The following KCNIP4 variants were observed in gnomAD, a reference collection of about 807,000 sequenced individuals.
The protein encoded by KCNIP4 is Kv channel-interacting protein 4.
A neutral mutation model predicts 34.0 loss-of-function variants in KCNIP4; 12 were observed. That is an observed-to-expected ratio of 0.35 (90% CI 0.23 to 0.57). KCNIP4 has a LOEUF of 0.57. Among genes scored for constraint, KCNIP4 ranks in the 20% least tolerant of loss-of-function variants. The pLI, the probability that KCNIP4 is intolerant of heterozygous loss-of-function variation, is 0.83. For missense variants in KCNIP4, 238 were observed against 311.7 expected (o/e 0.76, Z 1.78); for synonymous variants, 124 against 102.2 (o/e 1.21, Z -1.29).
chr4:21,122,296 G>A (rs375892237), intron 1 of KCNIP4, among the ~76,000 whole-genome samples: 9 of 151,806 alleles, frequency 5.9e-5, no homozygotes, highest in African/African-American at 2.2e-4. Flanking sequence ...AAAGAAAGTG[G>A]GGCTAATTTT....
intron 1 of KCNIP4, among the ~76,000 whole-genome samples, chr4:21,727,701 C>A (rs914868119): frequency 3.3e-5 from 5 of 151,930 alleles, no homozygotes; most frequent in Admixed American, 3.3e-4. Flanking sequence ...TAGTGGTGCT[C>A]ACCTGTAATC....
At chr4:21,868,033 A>C (rs565624418) in intron 1 of KCNIP4, among the ~76,000 whole-genome samples, 2 of 152,270 alleles carry the variant, frequency 1.3e-5, no homozygotes, top group African/African-American at 4.8e-5. Flanking sequence ...CTAGCCAAAA[A>C]TATTTGCCGA....
At chr4:20,749,598 A>T (rs1255352128) in intron 5 of KCNIP4, 64 bp downstream of exon 5, 2 of 1,158,260 alleles carry the variant, frequency 1.7e-6, no homozygotes, top group African/African-American at 3.1e-5. Context: ...CCAAACTCAC[A>T]TTTTCCCCCT....
At chr4:21,381,086 C>G (rs1423543800) in intron 1 of KCNIP4, among the ~76,000 whole-genome samples, 1 of 152,148 alleles carries the variant, frequency 6.6e-6, no homozygotes, top group East Asian at 1.9e-4. Flanking sequence ...AAGATTCTGG[C>G]AATGGGTTTA....
chr4:21,928,108 C>CTATATATATA lies in KCNIP4; in HGVS notation c.61+20453_61+20462dup, dbSNP rs144162392. 3.9e-3 allele frequency among the ~76,000 whole-genome samples: 562 copies of CTATATATATA among 142,774 alleles called. 1 individual carries two copies. The highest frequency in any genetic ancestry group is 8.2e-3 in the African/African-American group (327 of 39,778). 93.7% of individuals were successfully genotyped at this position (142,774 alleles called of 152,430 possible). ...GGAAAAGTGCCTAGTCCAGATTAGA[C>CTATATATATA]TATATATATATATATATATACACAC... On this transcript the variant is annotated intron_variant, in intron 1 of 8. Transcript: ENST00000382152.
chr4:20,908,266 AT>A (rs1727985338), intron 1 of KCNIP4, among the ~76,000 whole-genome samples: 1 of 151,922 alleles, frequency 6.6e-6, no homozygotes, highest in Non-Finnish European at 1.5e-5. Flanking sequence ...TGCCCAGCTA[AT>A]TTTTGTATTT....
Position 21,376,218 on chromosome 4 carries a change from C to T in KCNIP4, c.62-493509G>A, listed in dbSNP as rs148950507. Among the ~76,000 whole-genome samples the T allele has an allele frequency of 1.2e-3, 176 of 152,298 alleles. 1 individual carries two copies. The highest frequency in any genetic ancestry group is 3.8e-3 in the African/African-American group (157 of 41,566). Reference sequence around the variant, plus strand: ...TAAAAAGGAATTTAAAAAGATAACACTTGCAAAATTTTGTGAAACCTAATA... The same window carrying T: ...TAAAAAGGAATTTAAAAAGATAACATTTGCAAAATTTTGTGAAACCTAATA... On this transcript the variant is annotated intron_variant, in intron 1 of 8. Coordinates refer to ENST00000382152, the MANE Select transcript of KCNIP4 (RefSeq NM_025221.6).
chr4:21,114,558 T>C (rs1233650188), intron 1 of KCNIP4, among the ~76,000 whole-genome samples: 3 of 152,120 alleles, frequency 2.0e-5, no homozygotes, highest in African/African-American at 4.8e-5. Context: ...TACTACATTC[T>C]CATCTGGGTC....
At chr4:21,928,127 T>TATACACACACAC (rs141651426) in intron 1 of KCNIP4, among the ~76,000 whole-genome samples, 8 of 143,974 alleles carry the variant, frequency 5.6e-5, no homozygotes, top group South Asian at 4.6e-4. Flanking sequence ...TATATATATA[T>TATACACACACAC]ACACACACAC....
intron 1 of KCNIP4, among the ~76,000 whole-genome samples, chr4:21,355,867 C>A (rs950559488): frequency 2.0e-5 from 3 of 151,970 alleles, no homozygotes; most frequent in Non-Finnish European, 4.4e-5. Context: ...AGTTTTAGAC[C>A]AATATCCCTC....
chr4:21,938,250 C>A (rs1729981710), intron 1 of KCNIP4, among the ~76,000 whole-genome samples: 1 of 152,124 alleles, frequency 6.6e-6, no homozygotes, highest in African/African-American at 2.4e-5. Context: ...GTTTCCAAAG[C>A]AGTCTGTGCT....
chr4:21,934,686 C>A (rs1729750850), intron 1 of KCNIP4, among the ~76,000 whole-genome samples: 1 of 151,974 alleles, frequency 6.6e-6, no homozygotes, highest in South Asian at 2.1e-4. Flanking sequence ...CACGTGCCAC[C>A]CTCCACTCTT....
At chr4:21,250,950 T>C (rs1217736699) in intron 1 of KCNIP4, among the ~76,000 whole-genome samples, 2 of 151,446 alleles carry the variant, frequency 1.3e-5, no homozygotes, top group South Asian at 2.1e-4. Context: ...TACAAATATG[T>C]ATATATCTAC....
rs1455137385 is a variant in KCNIP4 at position 20,839,428 on chromosome 4, C to A, written c.288+11115G>T. On this transcript the variant is annotated intron_variant, in intron 3 of 8. Coordinates refer to ENST00000382152, the MANE Select transcript of KCNIP4 (RefSeq NM_025221.6). ...TAGATATAAGAATATATTAGATTCC[C>A]CTATTTTAGATTATTCTTCAAAAAG... Among the ~76,000 whole-genome samples, 10 of 150,080 alleles carry A rather than the reference C, an allele frequency of 6.7e-5. No homozygotes were observed. The South Asian group carries it at 1.9e-3, about 28-fold the overall frequency.
chr4:21,936,537 T>C (rs780269736), intron 1 of KCNIP4, among the ~76,000 whole-genome samples: 2 of 151,976 alleles, frequency 1.3e-5, no homozygotes, highest in Non-Finnish European at 2.9e-5. Flanking sequence ...TTAGATGAAG[T>C]CATCAGAGAA....
intron 1 of KCNIP4, among the ~76,000 whole-genome samples, chr4:21,816,220 C>T (rs1049351459): frequency 5.9e-5 from 9 of 152,192 alleles, no homozygotes; most frequent in African/African-American, 9.7e-5. Context: ...TGTACCCTAA[C>T]ATAGTGTTCA....
At chr4:21,014,597 A>G (rs116141329) in intron 1 of KCNIP4, among the ~76,000 whole-genome samples, 3,074 of 152,356 alleles carry the variant, frequency 0.02, 50 homozygotes, top group Non-Finnish European at 0.032. Context: ...GAAAGCTGAT[A>G]TCAAAAATTG....
chr4:21,589,230 A>G (rs1258997344), intron 1 of KCNIP4, among the ~76,000 whole-genome samples: 1 of 124,206 alleles, frequency 8.1e-6, no homozygotes, highest in South Asian at 2.6e-4. Context: ...ACATGTATCT[A>G]TACAGATACA....
intron 1 of KCNIP4, among the ~76,000 whole-genome samples, chr4:21,473,553 A>C (rs1047049911): frequency 1.5e-4 from 23 of 152,184 alleles, no homozygotes; most frequent in African/African-American, 5.3e-4. Flanking sequence ...GATTTTAGAA[A>C]AAGAAATTGG....
Sources: allele counts gnomAD v4.1 joint callset (sites outside exome capture counted in the v4.1 genomes callset), GRCh38; gene constraint gnomAD v4.1.1; transcripts MANE v1.5; gene names NCBI Gene and HGNC (gene_info 2026-07-23, HGNC 2026-07-21).